The following ANKH variants were observed in gnomAD, a reference collection of about 807,000 sequenced individuals.
The protein encoded by ANKH is mineralization regulator ANKH.
ANKH carries 15 observed loss-of-function variants against 49.0 expected under a neutral mutation model. The ratio of observed to expected loss-of-function variants is 0.31; its 90% CI spans 0.20 to 0.47. The LOEUF is 0.47. Among genes scored for constraint, ANKH ranks in the 20% least tolerant of loss-of-function variants. The pLI is 1.00. For missense variants in ANKH, 429 were observed against 652.0 expected (o/e 0.66, Z 3.72); for synonymous variants, 273 against 260.0 (o/e 1.05, Z -0.48).
chr5:14,756,198 G>A (rs1470333637), intron 3 of ANKH, among the ~76,000 whole-genome samples: 1 of 152,168 alleles, frequency 6.6e-6, no homozygotes, highest in East Asian at 1.9e-4. Flanking sequence ...AGACTAGTGC[G>A]CTATTAGGTT....
At chr5:14,836,303 A>G (rs1741650913) in intron 1 of ANKH, among the ~76,000 whole-genome samples, 1 of 152,194 alleles carries the variant, frequency 6.6e-6, no homozygotes, top group African/African-American at 2.4e-5. Context: ...AAGGGTATTC[A>G]ATTAGGAAAA....
At chr5:14,765,215 G>A (rs947163113) in intron 2 of ANKH, among the ~76,000 whole-genome samples, 7 of 152,182 alleles carry the variant, frequency 4.6e-5, no homozygotes, top group Non-Finnish European at 7.4e-5. Flanking sequence ...TCGTGGCTAT[G>A]GTTAAGCTAA....
intron 1 of ANKH, among the ~76,000 whole-genome samples, chr5:14,858,742 TAAATAAATAAATAAATA>T (rs778833696): frequency 1.2e-3 from 108 of 92,194 alleles, no homozygotes; most frequent in Middle Eastern, 5.3e-3. Context: ...AATAAATAAA[TAAATAAATAAATAAATA>T]AAATAAAATA....
chr5:14,794,586 C>A (rs1331476740), intron 1 of ANKH, among the ~76,000 whole-genome samples: 2 of 152,252 alleles, frequency 1.3e-5, no homozygotes, highest in African/African-American at 4.8e-5. Flanking sequence ...GGTTTACTAA[C>A]TGCTCTAATT....
intron 8 of ANKH, among the ~76,000 whole-genome samples, chr5:14,718,837 C>A (rs1437393074): frequency 6.9e-6 from 1 of 144,960 alleles, no homozygotes; most frequent in Non-Finnish European, 1.5e-5. Context: ...CCACCCCCCC[C>A]CCAAAAAAAA....
intron 8 of ANKH, among the ~76,000 whole-genome samples, chr5:14,727,467 A>G (rs781285395): frequency 5.3e-5 from 8 of 151,344 alleles, no homozygotes; most frequent in Non-Finnish European, 1.0e-4. Flanking sequence ...TCAGATCCCA[A>G]CGACTTACTA....
chr5:14,715,917 A>C (rs959901283), intron 9 of ANKH, among the ~76,000 whole-genome samples: 1 of 152,222 alleles, frequency 6.6e-6, no homozygotes, highest in Non-Finnish European at 1.5e-5. Flanking sequence ...ATCTGGCCTC[A>C]GGTTCCCCTG....
chr5:14,743,639 T>A (rs1259034217), intron 7 of ANKH, among the ~76,000 whole-genome samples: 1 of 152,228 alleles, frequency 6.6e-6, no homozygotes, highest in Non-Finnish European at 1.5e-5. Context: ...GGATTTCAAC[T>A]GTCAATGCAG....
chr5:14,713,439 C>A lies in ANKH; in HGVS notation c.1265+105G>T. The A allele has an allele frequency of 6.7e-7, 1 of 1,486,088 alleles. No homozygotes were observed. The highest frequency in any genetic ancestry group is 1.2e-5 in the South Asian group (1 of 83,298). The allele number at this position is 1,486,088 out of a possible 1,614,324, so 92.1% of individuals were successfully genotyped here. A position where few individuals can be genotyped will look rare whatever the true frequency, so the allele number is the denominator to read the frequency against. On this transcript the variant is annotated intron_variant, in intron 10 of 11. Transcript: ENST00000284268. This position sits in a 1 kb window ranked among gnomAD's most constrained non-coding sequence, Gnocchi z 4.4. Reference sequence around the variant, plus strand: ...AAAACATCATTCTGAATTTCCGATTCTAGACGTGCCTGGGGATTTCCCCTG... The same window carrying A: ...AAAACATCATTCTGAATTTCCGATTATAGACGTGCCTGGGGATTTCCCCTG...
intron 1 of ANKH, among the ~76,000 whole-genome samples, chr5:14,776,532 C>A (rs1739628659): frequency 1.3e-5 from 2 of 152,158 alleles, no homozygotes; most frequent in Admixed American, 6.5e-5. Context: ...ATGTGGCGAG[C>A]CTTCTATGTC....
chr5:14,766,864 A>T (rs1307974062), intron 2 of ANKH, among the ~76,000 whole-genome samples: 1 of 152,150 alleles, frequency 6.6e-6, no homozygotes, highest in East Asian at 1.9e-4. Context: ...GAAATCATAC[A>T]ATGGCTTTTC....
At chr5:14,835,748 C>T (rs1186940223) in intron 1 of ANKH, among the ~76,000 whole-genome samples, 1 of 152,182 alleles carries the variant, frequency 6.6e-6, no homozygotes, top group Admixed American at 6.5e-5. Context: ...AAGATGGAAT[C>T]CTCCCTAACT....
At chr5:14,732,835 G>A (rs1407777412) in intron 8 of ANKH, among the ~76,000 whole-genome samples, 2 of 152,182 alleles carry the variant, frequency 1.3e-5, no homozygotes, top group Non-Finnish European at 2.9e-5. Context: ...AGGGCCCACA[G>A]CTATAAGCAC....
intron 4 of ANKH, among the ~76,000 whole-genome samples, chr5:14,754,635 A>G (rs531264022): frequency 6.6e-6 from 1 of 152,234 alleles, no homozygotes; most frequent in Non-Finnish European, 1.5e-5. Context: ...TAAATTACTT[A>G]TAATAGTGAT....
Position 14,707,187 on chromosome 5 carries a change from A to G in ANKH, c.*4010T>C, listed in dbSNP as rs976151348. 6.6e-6 allele frequency: 1 copy of G among 152,240 alleles called. No homozygotes were observed. Among genetic ancestry groups the G allele is most frequent in the Middle Eastern group, 3.2e-3 (1 of 316 alleles). The allele number at this position is 152,240 out of a possible 1,614,324, so 9.4% of individuals were successfully genotyped here. On this transcript the variant is annotated 3_prime_UTR_variant, in exon 12 of 12. Transcript: ENST00000284268. ...GTTCTGCTGGGAGTTACTGAAGTAG[A>G]AAGATTTTTAAATACAAGAAAATAT...
At chr5:14,738,844 GAGA>G (rs1738265668) in intron 8 of ANKH, among the ~76,000 whole-genome samples, 1 of 152,144 alleles carries the variant, frequency 6.6e-6, no homozygotes, top group South Asian at 2.1e-4. Flanking sequence ...GAGCATAAAT[GAGA>G]AGATTGCCAT....
chr5:14,712,897 C>T lies in ANKH; in HGVS notation c.1342G>A (p.Ala448Thr), dbSNP rs753239268. ...VGESTMVAIAACYVYRKQKKK... is the reference protein window; with the variant it reads ...VGESTMVAIATCYVYRKQKKK... ...ACCTGCTTCCGGTAGACATAGCACG[C>T]AGCGATGGCGACCATGGTGGATTCT... Residue 448 changes from alanine (A) to threonine (T), a missense_variant, in exon 11 of 12, where the codon GCG becomes ACG. By Grantham distance (58) the Ala-to-Thr change is moderately conservative. Coordinates refer to ENST00000284268, the MANE Select transcript of ANKH (RefSeq NM_054027.6). 17 of 1,612,232 alleles carry T rather than the reference C, an allele frequency of 1.1e-5. No individual in the cohort carries two copies. The highest frequency in any genetic ancestry group is 8.4e-5 in the Admixed American group (5 of 59,836).
In ANKH at chr5:14,711,328, C is replaced by T; in HGVS notation, c.1366-18G>A. 6.2e-7 allele frequency: 1 copy of T among 1,606,286 alleles called. No homozygotes were observed. Among genetic ancestry groups the T allele is most frequent in the Non-Finnish European group, 8.5e-7 (1 of 1,172,890 alleles). ...TTCTTTTTCTAGACCAAAGAAGACT[C>T]ATCAGTGTGGGGCTGTGGATGGGGA... On this transcript the variant is annotated intron_variant, in intron 11 of 11. Transcript: ENST00000284268.
At chr5:14,860,518 G>C (rs2250476) in intron 1 of ANKH, among the ~76,000 whole-genome samples, 1 of 152,010 alleles carries the variant, frequency 6.6e-6, no homozygotes, top group Non-Finnish European at 1.5e-5. Context: ...AGAGAATTTT[G>C]TGTTGTTGTT....
Sources: allele counts gnomAD v4.1 joint callset (sites outside exome capture counted in the v4.1 genomes callset), GRCh38; gene constraint gnomAD v4.1.1; non-coding constraint Gnocchi (gnomAD v3.1); transcripts MANE v1.5; gene names NCBI Gene and HGNC (gene_info 2026-07-23, HGNC 2026-07-21).